The following NRXN1 variants were observed in gnomAD, a reference collection of about 807,000 sequenced individuals.
NRXN1 encodes neurexin-1.
NRXN1 carries 39 observed loss-of-function variants against 150.9 expected under a neutral mutation model. The ratio of observed to expected loss-of-function variants is 0.26; its 90% confidence interval spans 0.20 to 0.34. The LOEUF (loss-of-function observed/expected upper bound fraction) is 0.34, where lower values mean the gene tolerates loss of function less well. NRXN1 is among the 10% of genes least tolerant of loss of function. The probability of loss-of-function intolerance (pLI) is 1.00; values close to 1 mark genes in which losing one functional copy is unlikely to be tolerated. For synonymous variants in NRXN1, 924 were observed against 757.0 expected (o/e 1.22, Z -3.62); for missense variants, 1,815 against 1,949.9 (o/e 0.93, Z 1.30).
At chr2:50,131,089 A>C (rs1705413567) in intron 18 of NRXN1, among the ~76,000 whole-genome samples, 1 of 152,206 alleles carries the variant, frequency 6.6e-6, no homozygotes, top group Admixed American at 6.5e-5. Context: ...TTAATTTTGC[A>C]GGACTCTCAG....
intron 18 of NRXN1, among the ~76,000 whole-genome samples, chr2:50,150,672 T>A (rs1017132173): frequency 5.9e-5 from 9 of 151,766 alleles, no homozygotes; most frequent in Non-Finnish European, 8.8e-5. Flanking sequence ...CTATCTATAT[T>A]TTTTTGTTTC....
chr2:50,383,372 A>C (rs949460883), intron 17 of NRXN1, among the ~76,000 whole-genome samples: 6 of 152,186 alleles, frequency 3.9e-5, no homozygotes, highest in African/African-American at 1.4e-4. Flanking sequence ...CAAGAAAGTA[A>C]ACAGCTGCTA....
intron 19 of NRXN1, among the ~76,000 whole-genome samples, chr2:50,061,521 G>A (rs1380100568): frequency 1.3e-5 from 2 of 152,132 alleles, no homozygotes; most frequent in Non-Finnish European, 2.9e-5. Flanking sequence ...TTACCTTCAA[G>A]TATTCTAAAT....
intron 19 of NRXN1, among the ~76,000 whole-genome samples, chr2:50,066,395 G>A (rs191231154): frequency 6.6e-6 from 1 of 152,310 alleles, no homozygotes; most frequent in Admixed American, 6.5e-5. Context: ...ACCACCATGT[G>A]AAGTGTAGTT....
rs1208914685 is a variant in NRXN1, at chr2:50,008,481, T to TTTTC, written c.4128+44789_4128+44790insGAAA. On this transcript the variant is annotated intron_variant, in intron 21 of 22. Coordinates refer to ENST00000401669, the MANE Select transcript of NRXN1 (RefSeq NM_001330078.2). Reference sequence around the variant, plus strand: ...GAGAAGGATGCCATTTTTTTTTTTTTTTTGAGATGGAGTCTTGCTCTGTCA... The same window carrying TTTTC: ...GAGAAGGATGCCATTTTTTTTTTTTTTTTCTTTGAGATGGAGTCTTGCTCTGTCA... Among the ~76,000 whole-genome samples, 14 of 151,330 alleles carry TTTTC rather than the reference T, an allele frequency of 9.3e-5. 1 individual carries two copies. Among genetic ancestry groups the TTTTC allele is most frequent in the Non-Finnish European group, 1.9e-4 (13 of 67,772 alleles).
At chr2:50,698,545 TAATA>T (rs1361262322) in intron 5 of NRXN1, among the ~76,000 whole-genome samples, 2 of 152,236 alleles carry the variant, frequency 1.3e-5, no homozygotes, top group African/African-American at 2.4e-5. Context: ...TAAAATGAAT[TAATA>T]AATATATAAA....
chr2:49,983,755 T>A (rs969839597), intron 21 of NRXN1, among the ~76,000 whole-genome samples: 1 of 152,198 alleles, frequency 6.6e-6, no homozygotes, highest in Non-Finnish European at 1.5e-5. Flanking sequence ...ATGGAATAAA[T>A]GTTTTAAAAT....
At chr2:50,574,188 A>G (rs947788824) in intron 8 of NRXN1, among the ~76,000 whole-genome samples, 1 of 152,116 alleles carries the variant, frequency 6.6e-6, no homozygotes, top group African/African-American at 2.4e-5. Flanking sequence ...GACATTAGAC[A>G]CCCTATGCAT....
At position 49,953,860 on chromosome 2, in the gene NRXN1, G is replaced by GC. The variant is rs1674436202; in HGVS notation, c.4129-10070_4129-10069insG. Among the ~76,000 whole-genome samples the GC allele has an allele frequency of 2.6e-5, 4 of 152,050 alleles. No individual in the cohort carries two copies. The South Asian group carries it at 8.3e-4, about 32-fold the overall frequency. ...ATCACACACCACAGCCTGTCAGGGT[G>GC]TGGGGGACAAGGGGAGGGAGAGCCT... On this transcript the variant is annotated intron_variant, in intron 21 of 22. Transcript: ENST00000401669.
At chr2:49,990,275 A>T (rs1681698233) in intron 21 of NRXN1, among the ~76,000 whole-genome samples, 1 of 152,122 alleles carries the variant, frequency 6.6e-6, no homozygotes, top group Admixed American at 6.6e-5. Context: ...GCCCTAAGAT[A>T]AGAAAGAGTC....
intron 21 of NRXN1, among the ~76,000 whole-genome samples, chr2:50,019,567 G>A (rs1190165674): frequency 3.6e-5 from 5 of 139,910 alleles, no homozygotes; most frequent in African/African-American, 8.0e-5. Context: ...GCTTGAACCC[G>A]GGAGGCTGAG....
At chr2:50,426,499 T>C (rs966205355) in intron 17 of NRXN1, among the ~76,000 whole-genome samples, 1 of 151,954 alleles carries the variant, frequency 6.6e-6, no homozygotes, top group African/African-American at 2.4e-5. Flanking sequence ...CAACACAGTG[T>C]ATTGTATTTT....
At chr2:50,453,114 C>G (rs2087158017) in intron 17 of NRXN1, among the ~76,000 whole-genome samples, 1 of 152,148 alleles carries the variant, frequency 6.6e-6, no homozygotes, top group South Asian at 2.1e-4. Context: ...GAACAACTTT[C>G]ATTCTATTAA....
chr2:50,552,785 G>A lies in NRXN1; in HGVS notation c.1561C>T (p.His521Tyr). 3 of 1,613,934 alleles carry A rather than the reference G, an allele frequency of 1.9e-6. No individual in the cohort carries two copies. The highest frequency in any genetic ancestry group is 1.7e-6 in the Non-Finnish European group (2 of 1,179,860). ...TEPNGLILFSHGKPRHQKDAK... is the reference protein window; with the variant it reads ...TEPNGLILFSYGKPRHQKDAK... ...TCTTTCTGATGTCTTGGCTTGCCAT[G>A]GCTAAATAAGATGAGGCCATTTGGC... Residue 521 changes from histidine (H) to tyrosine (Y), a missense_variant, in exon 9 of 23, where the codon CAT (histidine) becomes TAT (tyrosine). This residue lies in a region of NRXN1 where 638 missense variants were observed against 652.6 expected (regional missense o/e 0.98). Transcript: ENST00000401669.
chr2:50,570,301 T>C (rs1558952124), intron 8 of NRXN1, among the ~76,000 whole-genome samples: 1 of 152,114 alleles, frequency 6.6e-6, no homozygotes, highest in African/African-American at 2.4e-5. Flanking sequence ...CCAGTGGAAG[T>C]AAAGTATACG....
Position 51,004,692 on chromosome 2 carries a change from G to A in NRXN1, c.772+22810C>T, listed in dbSNP as rs774512301. ...ACAAACATTTGCTCAAAAGGGACTC[G>A]GGGGTATGATTCTGGTATTTTCCCT... On this transcript the variant is annotated intron_variant, in intron 2 of 22. Coordinates refer to ENST00000401669, the MANE Select transcript of NRXN1 (RefSeq NM_001330078.2). Among the ~76,000 whole-genome samples the A allele has an allele frequency of 5.3e-5, 8 of 151,724 alleles. No homozygotes were observed. The East Asian group carries it at 1.6e-3, about 30-fold the overall frequency.
intron 2 of NRXN1, among the ~76,000 whole-genome samples, chr2:50,929,695 G>A (rs1687453183): frequency 6.6e-6 from 1 of 152,016 alleles, no homozygotes; most frequent in South Asian, 2.1e-4. Context: ...CTCCATACAG[G>A]GAGTGTGCTA....
intron 21 of NRXN1, among the ~76,000 whole-genome samples, chr2:50,008,468 A>ATTTTAT (rs1685120242): frequency 7.3e-6 from 1 of 136,388 alleles, no homozygotes; most frequent in Non-Finnish European, 1.6e-5. Flanking sequence ...GAAGGATGCC[A>ATTTTAT]TTTTTTTTTT....
At chr2:50,462,670 G>C (rs150632538) in intron 17 of NRXN1, among the ~76,000 whole-genome samples, 92 of 151,716 alleles carry the variant, frequency 6.1e-4, no homozygotes, top group East Asian at 1.9e-3. Context: ...GGGAAGAAAG[G>C]GTTTAACAAA....
Sources: allele counts gnomAD v4.1 joint callset (sites outside exome capture counted in the v4.1 genomes callset), GRCh38; gene constraint gnomAD v4.1.1; regional missense constraint gnomAD v4.1.1; transcripts MANE v1.5; gene names NCBI Gene and HGNC (gene_info 2026-07-23, HGNC 2026-07-21).